The following DLGAP2 variants were observed in gnomAD, a reference collection of about 807,000 sequenced individuals.
DLGAP2 encodes DLG associated protein 2, also known as disks large-associated protein 2.
In DLGAP2, 26 loss-of-function variants were observed where a neutral mutation model predicts 100.3. The ratio of observed to expected loss-of-function variants is 0.26; its 90% CI spans 0.19 to 0.36. The LOEUF (loss-of-function observed/expected upper bound fraction) is 0.36, where lower values mean the gene tolerates loss of function less well. DLGAP2 is among the 10% of genes least tolerant of loss of function. The pLI, the probability that DLGAP2 is intolerant of heterozygous loss-of-function variation, is 1.00. For synonymous variants in DLGAP2, 886 were observed against 630.1 expected (o/e 1.41, Z -6.08); for missense variants, 1,858 against 1,453.2 (o/e 1.28, Z -4.53).
chr8:1,349,256 GA>G (rs1323580816), intron 3 of DLGAP2, among the ~76,000 whole-genome samples: 3 of 151,356 alleles, frequency 2.0e-5, no homozygotes, highest in African/African-American at 7.3e-5. Context: ...CTAGGTGTTT[GA>G]GGGGGCACTA....
In DLGAP2 at chr8:1,705,931, G is replaced by C. The variant is rs1799694447; in HGVS notation, c.*4525G>C. ...GATGACCCCTTTCTGATTAGGATCT[G>C]TAACTCTGTGGGCTGGGTCAATGCA... is the stretch of plus-strand genomic sequence containing the variant. On this transcript the variant is annotated 3_prime_UTR_variant, in exon 15 of 15. Transcript: ENST00000637795. The C allele has an allele frequency of 6.6e-6, 1 of 152,172 alleles. No homozygotes were observed. The highest frequency in any genetic ancestry group is 6.5e-5 in the Admixed American group (1 of 15,282). 9.4% of individuals were successfully genotyped at this position (152,172 alleles called of 1,614,324 possible).
chr8:941,441 ATCAGGCTGGAAACCCG>A (rs529022090), intron 2 of DLGAP2, among the ~76,000 whole-genome samples: 458 of 152,264 alleles, frequency 3.0e-3, no homozygotes, highest in African/African-American at 9.9e-3. Flanking sequence ...AGATGTGCAC[ATCAGGCTGGAAACCCG>A]TCAGACTCTA....
chr8:927,048 G>T (rs972278086), intron 2 of DLGAP2: 1 of 985,346 alleles, frequency 1.0e-6, no homozygotes, highest in Non-Finnish European at 1.2e-6. Context: ...CTGGAGGCCT[G>T]GAGGAGCCGA....
chr8:1,282,875 C>A, intron 3 of DLGAP2, among the ~76,000 whole-genome samples: 1 of 108,516 alleles, frequency 9.2e-6, no homozygotes, highest in Admixed American at 1.0e-4. Context: ...CTGAACCCAG[C>A]GCCCTGAACC....
chr8:1,039,611 G>T (rs1357259583), intron 2 of DLGAP2, among the ~76,000 whole-genome samples: 2 of 60,700 alleles, frequency 3.3e-5, no homozygotes, highest in African/African-American at 7.0e-5. Flanking sequence ...GGTGTGCGTG[G>T]TCAGCTCGGT....
intron 2 of DLGAP2, among the ~76,000 whole-genome samples, chr8:1,080,311 CG>C (rs1258359120): frequency 1.3e-5 from 2 of 152,206 alleles, no homozygotes; most frequent in East Asian, 1.9e-4. Context: ...TGCTCTCCTC[CG>C]GGGGGCCGGC....
intron 2 of DLGAP2, among the ~76,000 whole-genome samples, chr8:1,124,200 T>A (rs554455032): frequency 6.6e-6 from 1 of 152,324 alleles, no homozygotes; most frequent in East Asian, 1.9e-4. Flanking sequence ...TAGAACATAG[T>A]CCTTGGTTTC....
chr8:1,668,690 T>C lies in DLGAP2; in HGVS notation c.2160+12T>C. ...CCATCGGGATTCAGGTAGCTGCTCT[T>C]GGCCGCCCGTCAGGGCCTCGCTCCA... On this transcript the variant is annotated intron_variant, in intron 9 of 14. Transcript: ENST00000637795. 6.6e-7 allele frequency: 1 copy of C among 1,512,782 alleles called. No homozygotes were observed. Among genetic ancestry groups the C allele is most frequent in the Non-Finnish European group, 8.9e-7 (1 of 1,126,764 alleles). The allele number at this position is 1,512,782 out of a possible 1,614,324, so 93.7% of individuals were successfully genotyped here.
In DLGAP2 at chr8:1,075,823, T is replaced by C. The variant is rs566585200; in HGVS notation, c.73+167857T>C. On this transcript the variant is annotated intron_variant, in intron 2 of 14. Transcript: ENST00000637795. ...AACTCAGGCCTGTAATCCCAGCACC[T>C]TGGGAGGCCAAGGTAGGAGGATTGC... 5.7e-4 allele frequency among the ~76,000 whole-genome samples: 86 copies of C among 151,996 alleles called. 1 individual carries two copies. The highest frequency in any genetic ancestry group is 2.1e-3 in the African/African-American group (86 of 41,440).
rs147878917 is a variant in DLGAP2 at position 1,341,567 on chromosome 8, G to C, written c.106+82684G>C. 3.0e-3 allele frequency among the ~76,000 whole-genome samples: 456 copies of C among 152,334 alleles called. 3 individuals carry two copies. The highest frequency in any genetic ancestry group is 0.027 in the Middle Eastern group (8 of 292). On this transcript the variant is annotated intron_variant, in intron 3 of 14. Coordinates refer to ENST00000637795, the MANE Select transcript of DLGAP2 (RefSeq NM_001346810.2). ...TCAAAAAAATCAGAGATGGGAAGGA[G>C]ATGACTGTGGCTGACCCCGTACAAA...
At chr8:1,519,207 C>T (rs1800503834) in intron 4 of DLGAP2, among the ~76,000 whole-genome samples, 1 of 152,152 alleles carries the variant, frequency 6.6e-6, no homozygotes, top group Non-Finnish European at 1.5e-5. Context: ...GCAACGCTGT[C>T]CTGGAAAGTG....
chr8:1,015,128 CGAT>C (rs555792020), intron 2 of DLGAP2, among the ~76,000 whole-genome samples: 9 of 14,928 alleles, frequency 6.0e-4, no homozygotes, highest in African/African-American at 4.5e-3. Context: ...CCAGGACAGA[CGAT>C]GCCTCCACTG....
At chr8:1,043,421 G>C (rs73176541) in intron 2 of DLGAP2, among the ~76,000 whole-genome samples, 2,902 of 151,860 alleles carry the variant, frequency 0.019, 36 homozygotes, top group Admixed American at 0.029. Flanking sequence ...GGTGGATGTG[G>C]GTGGTGGATG....
At chr8:1,173,149 C>A (rs1021705982) in intron 2 of DLGAP2, among the ~76,000 whole-genome samples, 1 of 152,222 alleles carries the variant, frequency 6.6e-6, no homozygotes, top group Non-Finnish European at 1.5e-5. Context: ...AGGTCCACTC[C>A]AGACCCAGTT....
chr8:1,172,903 G>C (rs1797160573), intron 2 of DLGAP2, among the ~76,000 whole-genome samples: 1 of 152,168 alleles, frequency 6.6e-6, no homozygotes, highest in African/African-American at 2.4e-5. Flanking sequence ...TCTCCGTCCA[G>C]CTTTGTTCGA....
chr8:1,273,479 A>C (rs1030912955), intron 3 of DLGAP2, among the ~76,000 whole-genome samples: 1 of 152,190 alleles, frequency 6.6e-6, no homozygotes, highest in African/African-American at 2.4e-5. Context: ...TTTTATGCTC[A>C]AGATGGATGA....
intron 2 of DLGAP2, among the ~76,000 whole-genome samples, chr8:1,039,845 T>G (rs78991525): frequency 0.013 from 873 of 68,142 alleles, no homozygotes; most frequent in Middle Eastern, 0.1. Context: ...GGTGTGCATG[T>G]TCAGCTCGGT....
intron 4 of DLGAP2, among the ~76,000 whole-genome samples, chr8:1,524,746 G>A (rs1210259092): frequency 2.0e-5 from 3 of 152,072 alleles, no homozygotes; most frequent in East Asian, 1.9e-4. Flanking sequence ...CACAGTCATC[G>A]GACCAGCTTA....
At chr8:1,456,662 A>T (rs1373605533) in intron 3 of DLGAP2, among the ~76,000 whole-genome samples, 1 of 151,826 alleles carries the variant, frequency 6.6e-6, no homozygotes, top group Non-Finnish European at 1.5e-5. Flanking sequence ...GAAAAATAAA[A>T]TGAGACCGAT....
Sources: allele counts gnomAD v4.1 joint callset (sites outside exome capture counted in the v4.1 genomes callset), GRCh38; gene constraint gnomAD v4.1.1; transcripts MANE v1.5; gene names NCBI Gene and HGNC (gene_info 2026-07-23, HGNC 2026-07-21).